The following TMEM255A variants were observed in gnomAD, a reference collection of about 807,000 sequenced individuals.
TMEM255A encodes the protein transmembrane protein 255A.
Under a neutral mutation model 23.5 loss-of-function variants are expected in TMEM255A, and 14 were observed. The observed-to-expected ratio is 0.60, with a 90% CI of 0.39 to 0.93. The LOEUF is 0.93. Among genes scored for constraint, TMEM255A ranks in the 40% least tolerant of loss-of-function variants. The pLI, the probability that TMEM255A is intolerant of heterozygous loss-of-function variation, is 0.00. For missense variants in TMEM255A, 233 were observed against 261.7 expected, an observed-to-expected ratio of 0.89 and a Z score of 0.76; for synonymous variants, 104 against 100.3, an observed-to-expected ratio of 1.04 and a Z score of -0.22.
At chrX:120,283,793 T>G (rs2057853481) in intron 6 of TMEM255A, among the ~76,000 whole-genome samples, 1 of 111,365 alleles carries the variant, frequency 9.0e-6, no homozygotes, top group South Asian at 3.8e-4. Context: ...AATGGCCTCC[T>G]AGCTGCCTCC....
chrX:120,293,498 G>T (rs1327186442), intron 3 of TMEM255A, among the ~76,000 whole-genome samples: 1 of 112,548 alleles, frequency 8.9e-6, no homozygotes, highest in Non-Finnish European at 1.9e-5. Context: ...TTTTGTGTGT[G>T]CCACAAGTAC....
intron 2 of TMEM255A, among the ~76,000 whole-genome samples, chrX:120,296,174 C>T (rs184081797): frequency 2.4e-4 from 27 of 111,799 alleles, no homozygotes; most frequent in Non-Finnish European, 3.8e-4. Flanking sequence ...CAGAATGTCT[C>T]CTGAATCGTG....
At chrX:120,253,107 T>A in the TMEM255A span, among the ~76,000 whole-genome samples, 1 of 111,819 alleles carries the variant, frequency 8.9e-6, no homozygotes, top group African/African-American at 3.3e-5. Context: ...AAATTAATTC[T>A]AATCTTTAAA....
intron 8 of TMEM255A, among the ~76,000 whole-genome samples, chrX:120,261,800 G>T (rs955784476): frequency 2.7e-5 from 3 of 111,573 alleles, no homozygotes; most frequent in Non-Finnish European, 5.6e-5. Flanking sequence ...GGAGTCATTT[G>T]CCCCTTTCTC....
At position 120,293,609 on chromosome X, in the gene TMEM255A, G is replaced by A. The variant is rs148707607; in HGVS notation, c.264+380C>T. Reference sequence around the variant, plus strand: ...AAGATTATGTATCAGAGAGAAAGATGTGACGGCCACCAATAATCCAGGGCT... The same window carrying A: ...AAGATTATGTATCAGAGAGAAAGATATGACGGCCACCAATAATCCAGGGCT... On this transcript the variant is annotated intron_variant, in intron 3 of 8. Transcript: ENST00000371369. Among the ~76,000 whole-genome samples the A allele has an allele frequency of 5.6e-3, 628 of 112,889 alleles. 2 individuals carry two copies. Among genetic ancestry groups the A allele is most frequent in the African/African-American group, 0.019 (577 of 31,058 alleles).
intron 2 of TMEM255A, among the ~76,000 whole-genome samples, chrX:120,301,175 A>G (rs1556025964): frequency 1.8e-5 from 2 of 111,823 alleles, no homozygotes; most frequent in Non-Finnish European, 3.8e-5. Context: ...TCACTGTACA[A>G]AGATATCTCA....
At chrX:120,296,868 TTATATATCA>T (rs2057977851) in intron 2 of TMEM255A, among the ~76,000 whole-genome samples, 1 of 2,454 alleles carries the variant, frequency 4.1e-4, no homozygotes, top group African/African-American at 2.1e-3. Context: ...ATATAATATA[TTATATATCA>T]TATATATTAT....
chrX:120,254,206 G>T (rs782538711), downstream of TMEM255A: 17 of 1,210,317 alleles, frequency 1.4e-5, no homozygotes, highest in Middle Eastern at 2.3e-4. Flanking sequence ...ACACAAGGAA[G>T]TGAAAAATTG....
In TMEM255A at chrX:120,259,490, A is replaced by G. The variant is rs182218449; in HGVS notation, c.*1380T>C. On this transcript the variant is annotated 3_prime_UTR_variant, in exon 9 of 9. Transcript: ENST00000371369. ...ATCCATCAAGTTGGGAGGTAGCAAA[A>G]TTGGCCGGAAAATTTTCCAGTGTGT... is the stretch of plus-strand genomic sequence containing the variant. The G allele has an allele frequency of 2.7e-4, 30 of 111,997 alleles. No homozygotes were observed. The Admixed American group carries it at 2.8e-3, about 10-fold the overall frequency. 9.2% of individuals were successfully genotyped at this position (111,997 alleles called of 1,213,427 possible).
In TMEM255A at chrX:120,311,446, G is replaced by C. The variant is rs2058101743; in HGVS notation, c.-137C>G. On this transcript the variant is annotated 5_prime_UTR_variant, in exon 1 of 9. Coordinates refer to ENST00000371369, the MANE Select transcript of TMEM255A (RefSeq NM_001104544.3). ...GCTGAGAGACACTGCCTCTGGTTGCGAGCTGCAGCCCAAGTGCCGCCTCCC... is the reference window on the plus strand; with the variant it reads ...GCTGAGAGACACTGCCTCTGGTTGCCAGCTGCAGCCCAAGTGCCGCCTCCC... 15 of 517,779 alleles carry C rather than the reference G, an allele frequency of 2.9e-5. No homozygotes were observed. In the South Asian group the frequency reaches 3.9e-4, roughly 14 times the overall value. 42.7% of individuals were successfully genotyped at this position (517,779 alleles called of 1,213,427 possible). A position where few individuals can be genotyped will look rare whatever the true frequency, so the allele number is the denominator to read the frequency against.
chrX:120,280,629 C>T, intron 6 of TMEM255A, among the ~76,000 whole-genome samples: 2 of 110,951 alleles, frequency 1.8e-5, no homozygotes, highest in Middle Eastern at 4.6e-3. Flanking sequence ...CTGCCAGACC[C>T]CACTGCTGCC....
downstream of TMEM255A, chrX:120,254,771 T>A (rs372655083): frequency 5.8e-6 from 7 of 1,209,950 alleles, no homozygotes; most frequent in Non-Finnish European, 5.6e-6. Flanking sequence ...AAGATGACCC[T>A]GATGAAGGGG....
intron 7 of TMEM255A, among the ~76,000 whole-genome samples, chrX:120,271,482 G>A (rs949645964): frequency 1.3e-4 from 14 of 111,829 alleles, no homozygotes; most frequent in East Asian, 2.8e-4. Flanking sequence ...CATTATTGCC[G>A]CTATCAAGAC....
At chrX:120,291,107 C>T in intron 4 of TMEM255A, 144 bp downstream of exon 4, 1 of 511,653 alleles carries the variant, frequency 2.0e-6, no homozygotes, top group Non-Finnish European at 3.4e-6. Context: ...CCTTGACTGC[C>T]AACTCCTTGA....
chrX:120,260,931 G>T lies in TMEM255A; in HGVS notation c.917C>A (p.Pro306Gln). The stretch of plus-strand genomic sequence containing the variant: ...ATAGTAGGGTGGAGAGTAACGGGGC[G>T]GTGCACTTGAGGACCACATGTAGCT... The part of the protein sequence containing the change: ...SPSYMWSSSA[P>Q]PRYSPPYYPP... Residue 306 changes from proline (P) to glutamine (Q), a missense_variant, in exon 9 of 9, where the codon CCG becomes CAG. Transcript: ENST00000371369. The T allele has an allele frequency of 8.3e-7, 1 of 1,199,985 alleles. No individual in the cohort carries two copies. Among genetic ancestry groups the T allele is most frequent in the Non-Finnish European group, 1.1e-6 (1 of 891,540 alleles).
downstream of TMEM255A, chrX:120,254,160 C>T: frequency 8.3e-7 from 1 of 1,211,532 alleles, no homozygotes; most frequent in South Asian, 1.8e-5. Flanking sequence ...TACTCAGAAA[C>T]TTCCTACTCC....
At chrX:120,265,684 T>A (rs1247060950) in intron 8 of TMEM255A, among the ~76,000 whole-genome samples, 1 of 112,318 alleles carries the variant, frequency 8.9e-6, no homozygotes, top group Admixed American at 9.4e-5. Flanking sequence ...TCTGTGACTT[T>A]GGTGAAGTCA....
chrX:120,255,303 A>G (rs185674874), downstream of TMEM255A: 26 of 1,210,107 alleles, frequency 2.1e-5, no homozygotes, highest in African/African-American at 3.7e-4. Flanking sequence ...AGTAGGGACC[A>G]CTACATCTAC....
At chrX:120,261,103 T>G (rs1468765103) in intron 8 of TMEM255A, 75 bp from the exon 9 acceptor site, 1 of 1,105,328 alleles carries the variant, frequency 9.0e-7, no homozygotes, top group East Asian at 3.3e-5. Flanking sequence ...TATTTAAAAA[T>G]GAATATGGGC....
Sources: gnomAD v4.1 joint callset for allele counts (sites outside exome capture counted in the v4.1 genomes callset) on GRCh38, gnomAD v4.1.1 for gene constraint, MANE v1.5 for transcripts, NCBI Gene and HGNC (gene_info 2026-07-23, HGNC 2026-07-21) for gene names.